NLRP14: variants seen among roughly 807,000 people sequenced by gnomAD.
The protein encoded by NLRP14 is NLR family pyrin domain containing 14.
NLRP14 carries 105 observed loss-of-function variants against 94.7 expected under a neutral mutation model. That is an observed-to-expected ratio of 1.11 (90% CI 0.95 to 1.30). NLRP14 has a LOEUF of 1.30. Among genes scored for constraint, NLRP14 ranks in the 50% most tolerant of loss-of-function variants. NLRP14 has a pLI of 0.00. For synonymous variants in NLRP14, 508 were observed against 459.9 expected (o/e 1.10, Z -1.34); for missense variants, 1,362 against 1,254.1 (o/e 1.09, Z -1.30).
At chr11:7,082,927 A>G in the NLRP14 span, among the ~76,000 whole-genome samples, 1 of 152,244 alleles carries the variant, frequency 6.6e-6, no homozygotes, top group Non-Finnish European at 1.5e-5. Flanking sequence ...TCAGGCCTGT[A>G]GGAATTCTGA....
In NLRP14 at chr11:7,049,751, A is replaced by T. The variant is rs769084649; in HGVS notation, c.2204A>T (p.Asp735Val). 1 of 1,609,622 alleles carries T rather than the reference A, an allele frequency of 6.2e-7. No homozygotes were observed. The highest frequency in any genetic ancestry group is 8.5e-7 in the Non-Finnish European group (1 of 1,176,020). Residue 735 changes from aspartate (D) to valine (V), a missense_variant, in exon 6 of 12, where the codon GAC becomes GTC. Asp to Val is a radical substitution (Grantham distance 152, BLOSUM62 -3). Transcript: ENST00000299481. Reference sequence around the variant, plus strand: ...CATAACAAGAATCTGATGCATCTTGACCTAAAAGGGAGTGATATAGGGGAT... The same window carrying T: ...CATAACAAGAATCTGATGCATCTTGTCCTAAAAGGGAGTGATATAGGGGAT... ...LIHNKNLMHL[D>V]LKGSDIGDNG...
chr11:7,068,033 T>A (rs1852732376), intron 10 of NLRP14, among the ~76,000 whole-genome samples: 1 of 152,096 alleles, frequency 6.6e-6, no homozygotes, highest in Non-Finnish European at 1.5e-5. Flanking sequence ...TTGTTGATTT[T>A]ATCTATTTCA....
the NLRP14 span, chr11:7,089,841 C>T: frequency 6.2e-6 from 10 of 1,611,472 alleles, no homozygotes; most frequent in African/African-American, 6.7e-5. Context: ...GTACACCCAC[C>T]GCGATTACGG....
intron 11 of NLRP14, 54 bp downstream of exon 11, chr11:7,070,510 G>A (rs1852778195): frequency 7.7e-7 from 1 of 1,296,658 alleles, no homozygotes; most frequent in Non-Finnish European, 1.1e-6. Flanking sequence ...AGGGATTTGG[G>A]GAGCCACTCA....
At chr11:7,044,257 A>G (rs932214937) in intron 4 of NLRP14, among the ~76,000 whole-genome samples, 2 of 152,168 alleles carry the variant, frequency 1.3e-5, no homozygotes, top group African/African-American at 4.8e-5. Flanking sequence ...ATTGTTGACA[A>G]TCTCAACAAC....
chr11:7,036,059 T>G (rs1005850257), intron 1 of NLRP14, among the ~76,000 whole-genome samples: 2 of 152,192 alleles, frequency 1.3e-5, no homozygotes, highest in Non-Finnish European at 2.9e-5. Flanking sequence ...TAGAGAAAAT[T>G]TTTGTAAAGA....
At chr11:7,077,109 G>A in the NLRP14 span, among the ~76,000 whole-genome samples, 3 of 152,196 alleles carry the variant, frequency 2.0e-5, no homozygotes, top group Non-Finnish European at 2.9e-5. Context: ...GGTGCCCCAC[G>A]TTTCTGGTTG....
downstream of NLRP14, among the ~76,000 whole-genome samples, chr11:7,072,677 A>G (rs1025688439): frequency 5.3e-5 from 8 of 152,020 alleles, no homozygotes; most frequent in African/African-American, 1.9e-4. Flanking sequence ...CTCCCTTGGG[A>G]TGATTTTTTC....
At chr11:7,067,339 G>A (rs1852720322) in intron 10 of NLRP14, among the ~76,000 whole-genome samples, 2 of 152,188 alleles carry the variant, frequency 1.3e-5, no homozygotes, top group African/African-American at 4.8e-5. Flanking sequence ...CATGAGCATG[G>A]AATATTTTTC....
chr11:7,057,811 C>G lies in NLRP14; in HGVS notation c.2426C>G (p.Ala809Gly). The change falls in exon 7 of 12, where the codon GCC (alanine) becomes GGC (glycine). Residue 809 changes from alanine (A) to glycine (G), a missense_variant. Ala to Gly is a moderately conservative substitution (Grantham distance 60). Coordinates refer to ENST00000299481, the MANE Select transcript of NLRP14 (RefSeq NM_176822.4). ...LDDGVQLLCE[A>G]LRHPKCYLER... ...GATGGAGTGCAGCTTTTGTGTGAGG[C>G]CTTAAGACATCCAAAGTGTTATCTA... The G allele has an allele frequency of 6.2e-7, 1 of 1,612,154 alleles. No individual in the cohort carries two copies. Among genetic ancestry groups the G allele is most frequent in the Non-Finnish European group, 8.5e-7 (1 of 1,178,406 alleles).
chr11:7,028,571 G>C (rs1324519169), intron 1 of NLRP14, among the ~76,000 whole-genome samples: 1 of 152,070 alleles, frequency 6.6e-6, no homozygotes, highest in Admixed American at 6.6e-5. Flanking sequence ...AAAACCCTCA[G>C]CTGGCTTCCT....
the NLRP14 span, among the ~76,000 whole-genome samples, chr11:7,081,534 C>T: frequency 6.6e-6 from 1 of 151,962 alleles, no homozygotes; most frequent in Non-Finnish European, 1.5e-5. Context: ...TTAAACAAAA[C>T]ATCTTATCCT....
At chr11:7,046,148 C>A (rs1046396113) in intron 4 of NLRP14, among the ~76,000 whole-genome samples, 1 of 152,078 alleles carries the variant, frequency 6.6e-6, no homozygotes, top group East Asian at 1.9e-4. Flanking sequence ...ATTTCCACAT[C>A]TTTGTGAAAG....
Position 7,031,657 on chromosome 11 carries a change from C to T in NLRP14, c.-21-6909C>T, listed in dbSNP as rs558112556. On this transcript the variant is annotated intron_variant, in intron 1 of 11. Coordinates refer to ENST00000299481, the MANE Select transcript of NLRP14 (RefSeq NM_176822.4). ...CCTTGACGAATGGAGGCAAGCCCCTCGCCTCTCTAACCAGGAGCAGGTGTT... is the reference window on the plus strand; with the variant it reads ...CCTTGACGAATGGAGGCAAGCCCCTTGCCTCTCTAACCAGGAGCAGGTGTT... Among the ~76,000 whole-genome samples, 8 of 152,312 alleles carry T rather than the reference C, an allele frequency of 5.3e-5. No homozygotes were observed. The South Asian group carries it at 1.0e-3, about 20-fold the overall frequency.
At chr11:7,090,761 T>C in the NLRP14 span, 1 of 177,940 alleles carries the variant, frequency 5.6e-6, no homozygotes, top group African/African-American at 2.4e-5. Context: ...AGGGTATCTT[T>C]CAAACTGAAT....
At chr11:7,090,139 G>A in the NLRP14 span, 25 of 1,613,286 alleles carry the variant, frequency 1.5e-5, no homozygotes, top group African/African-American at 1.5e-4. Context: ...TCGAGGGGCC[G>A]ACACCGGGTG....
intron 6 of NLRP14, among the ~76,000 whole-genome samples, chr11:7,052,546 T>C (rs902964349): frequency 6.6e-6 from 1 of 152,038 alleles, no homozygotes; most frequent in Non-Finnish European, 1.5e-5. Flanking sequence ...GACAGGAGAA[T>C]TGCTTGAAAC....
rs1164325727 is a variant in NLRP14 at position 7,038,438 on chromosome 11, G to A, written c.-21-128G>A. 4.7e-5 allele frequency: 35 copies of A among 741,862 alleles called. 2 individuals carry two copies. The South Asian group carries it at 5.8e-4, about 12-fold the overall frequency. The allele number at this position is 741,862 out of a possible 1,614,324, so 46.0% of individuals were successfully genotyped here. A position where few individuals can be genotyped will look rare whatever the true frequency, so the allele number is the denominator to read the frequency against. ...ACAGAGGACACTAGGTCAGTACCGA[G>A]CCTAATACAGTGGGCTTCTGCAAAT... On this transcript the variant is annotated intron_variant, in intron 1 of 11. Coordinates refer to ENST00000299481, the MANE Select transcript of NLRP14 (RefSeq NM_176822.4).
At chr11:7,078,094 A>T in the NLRP14 span, among the ~76,000 whole-genome samples, 11 of 152,200 alleles carry the variant, frequency 7.2e-5, no homozygotes, top group Admixed American at 7.2e-4. Context: ...GGAAAATTTT[A>T]TGTGCATTTT....
Sources: gnomAD v4.1 joint callset for allele counts (sites outside exome capture counted in the v4.1 genomes callset) on GRCh38, gnomAD v4.1.1 for gene constraint, MANE v1.5 for transcripts, NCBI Gene and HGNC (gene_info 2026-07-23, HGNC 2026-07-21) for gene names.